The following STOX1 variants were observed in gnomAD, a reference collection of about 807,000 sequenced individuals.
STOX1 encodes storkhead-box protein 1.
Under a neutral mutation model 74.8 loss-of-function variants are expected in STOX1, and 57 were observed. The observed-to-expected ratio is 0.76, with a 90% confidence interval of 0.62 to 0.95. STOX1 has a LOEUF of 0.95. Among genes scored for constraint, STOX1 ranks in the 40% least tolerant of loss-of-function variants. The probability of loss-of-function intolerance (pLI) is 0.00; values close to 1 mark genes in which losing one functional copy is unlikely to be tolerated. For missense variants in STOX1, 1,010 were observed against 1,117.0 expected (o/e 0.90, Z 1.37); for synonymous variants, 375 against 401.3 (o/e 0.93, Z 0.78).
At chr10:68,876,791 C>A (rs1026844274) in intron 1 of STOX1, among the ~76,000 whole-genome samples, 6 of 152,200 alleles carry the variant, frequency 3.9e-5, no homozygotes, top group Non-Finnish European at 8.8e-5. Context: ...CTTCAGTTTA[C>A]TCCCTCATAG....
At chr10:68,872,503 G>A (rs988248953) in intron 1 of STOX1, among the ~76,000 whole-genome samples, 2 of 151,710 alleles carry the variant, frequency 1.3e-5, no homozygotes, top group African/African-American at 2.4e-5. Context: ...CCACCACCAC[G>A]CCCAGCTAAT....
chr10:68,837,198 C>G (rs1839578011), intron 1 of STOX1, among the ~76,000 whole-genome samples: 2 of 152,202 alleles, frequency 1.3e-5, no homozygotes, highest in Non-Finnish European at 2.9e-5. Context: ...GATCAAGAAT[C>G]CCATGCATAT....
At chr10:68,868,716 C>T (rs1840466532) in intron 1 of STOX1, among the ~76,000 whole-genome samples, 1 of 152,204 alleles carries the variant, frequency 6.6e-6, no homozygotes. Context: ...CCAAGAAATC[C>T]ATCCATGTGC....
intron 1 of STOX1, among the ~76,000 whole-genome samples, chr10:68,830,532 A>G (rs1003492117): frequency 1.3e-5 from 2 of 151,942 alleles, no homozygotes; most frequent in African/African-American, 4.8e-5. Context: ...TAGTAGAGAC[A>G]GGGTTTCACC....
chr10:68,852,016 G>A (rs1839998009), intron 1 of STOX1, among the ~76,000 whole-genome samples: 1 of 151,740 alleles, frequency 6.6e-6, no homozygotes, highest in African/African-American at 2.4e-5. Flanking sequence ...TGCCTGTAAT[G>A]CCAGCTACTT....
chr10:68,894,838 A>AC (rs1841165381), downstream of STOX1, among the ~76,000 whole-genome samples: 7 of 152,102 alleles, frequency 4.6e-5, no homozygotes, highest in Admixed American at 4.6e-4. Flanking sequence ...TGATCCTCCC[A>AC]CTTTAGCCCC....
At chr10:68,829,640 G>A (rs1283828560) in intron 1 of STOX1, among the ~76,000 whole-genome samples, 3 of 152,086 alleles carry the variant, frequency 2.0e-5, no homozygotes, top group African/African-American at 4.8e-5. Context: ...ATTCAGAGAT[G>A]GTATTACCAC....
chr10:68,850,575 C>T (rs1173251175), intron 1 of STOX1, among the ~76,000 whole-genome samples: 1 of 152,224 alleles, frequency 6.6e-6, no homozygotes, highest in East Asian at 1.9e-4. Context: ...TTTCCATTCA[C>T]ACACTTTCAT....
chr10:68,831,043 T>C (rs1839393743), intron 1 of STOX1, among the ~76,000 whole-genome samples: 1 of 152,204 alleles, frequency 6.6e-6, no homozygotes, highest in Admixed American at 6.5e-5. Context: ...CTTGCAGCAC[T>C]GACTTCCAGG....
In STOX1 at chr10:68,886,388, T is replaced by A. The variant is rs775544889; in HGVS notation, c.2592T>A (p.Ser864Arg). 7 of 1,614,144 alleles carry A rather than the reference T, an allele frequency of 4.3e-6. No individual in the cohort carries two copies. Among genetic ancestry groups the A allele is most frequent in the East Asian group, 2.2e-5 (1 of 44,884 alleles). ...ATTACTATAGCGCAAGAAAAGCCAG[T>A]TTTGAAGCTGAAGTCATACAAGACA... ...IFDYYSARKASFEAEVIQDTI... is the reference protein window; with the variant it reads ...IFDYYSARKARFEAEVIQDTI... The change falls in exon 3 of 4, where the codon AGT (serine) becomes AGA (arginine). Residue 864 changes from serine to arginine, a missense_variant. By Grantham distance (110) the Ser-to-Arg change is moderately radical. Transcript: ENST00000298596.
intron 1 of STOX1, among the ~76,000 whole-genome samples, chr10:68,829,239 C>G (rs1290882208): frequency 1.3e-5 from 2 of 152,234 alleles, no homozygotes; most frequent in Non-Finnish European, 2.9e-5. Context: ...CTTTGAGAGG[C>G]CGAGGCAAGT....
chr10:68,852,248 G>GATTT (rs200461358), intron 1 of STOX1, among the ~76,000 whole-genome samples: 24,489 of 129,796 alleles, frequency 0.19, 3,163 homozygotes, highest in Non-Finnish European at 0.27. Flanking sequence ...TTCTCTTACT[G>GATTT]CTTTTTTTTT....
At chr10:68,873,746 G>C (rs1362945419) in intron 1 of STOX1, among the ~76,000 whole-genome samples, 2 of 148,804 alleles carry the variant, frequency 1.3e-5, no homozygotes, top group Non-Finnish European at 3.0e-5. Context: ...CACCTCCCGG[G>C]TTCAAGCAAT....
At chr10:68,863,658 G>C (rs1840323983) in intron 1 of STOX1, among the ~76,000 whole-genome samples, 1 of 152,130 alleles carries the variant, frequency 6.6e-6, no homozygotes, top group Non-Finnish European at 1.5e-5. Context: ...CTTAATGTGA[G>C]TGATGTAAAA....
downstream of STOX1, among the ~76,000 whole-genome samples, chr10:68,893,253 T>C (rs1024857584): frequency 6.6e-6 from 1 of 152,228 alleles, no homozygotes; most frequent in Non-Finnish European, 1.5e-5. Flanking sequence ...TTTACATAAA[T>C]GTGTTGGCTA....
At chr10:68,857,488 C>T (rs765833585) in intron 1 of STOX1, among the ~76,000 whole-genome samples, 3 of 152,052 alleles carry the variant, frequency 2.0e-5, no homozygotes, top group Non-Finnish European at 2.9e-5. Flanking sequence ...CTCCAAGGTC[C>T]TGGGCCTCAT....
rs1434390236 is a variant in STOX1 at position 68,827,595 on chromosome 10, G to T, written c.-29G>T. 3 of 1,133,088 alleles carry T rather than the reference G, an allele frequency of 2.6e-6. No individual in the cohort carries two copies. The highest frequency in any genetic ancestry group is 4.6e-5 in the East Asian group (1 of 21,606). The allele number at this position is 1,133,088 out of a possible 1,614,324, so 70.2% of individuals were successfully genotyped here. ...GCCGCCGCGCTCGCCGAGGCCCTGCGTTGCGGGCTCCCGGCCGCCGGCGAA... is the reference window on the plus strand; with the variant it reads ...GCCGCCGCGCTCGCCGAGGCCCTGCTTTGCGGGCTCCCGGCCGCCGGCGAA... On this transcript the variant is annotated 5_prime_UTR_variant, in exon 1 of 4. Coordinates refer to ENST00000298596, the MANE Select transcript of STOX1 (RefSeq NM_152709.5).
intron 1 of STOX1, among the ~76,000 whole-genome samples, chr10:68,878,649 A>G (rs1392922928): frequency 6.6e-6 from 1 of 152,180 alleles, no homozygotes; most frequent in African/African-American, 2.4e-5. Context: ...GGAACAATGG[A>G]AAGTATAACA....
intron 3 of STOX1, among the ~76,000 whole-genome samples, chr10:68,889,316 G>C (rs1841043473): frequency 6.6e-6 from 1 of 152,096 alleles, no homozygotes; most frequent in African/African-American, 2.4e-5. Flanking sequence ...CGGCCTTTTG[G>C]CTAAGATCAA....
Sources: gnomAD v4.1 joint callset for allele counts (sites outside exome capture counted in the v4.1 genomes callset) on GRCh38, gnomAD v4.1.1 for gene constraint, MANE v1.5 for transcripts, NCBI Gene and HGNC (gene_info 2026-07-23, HGNC 2026-07-21) for gene names.